The following LRBA variants were observed in gnomAD, a reference collection of about 807,000 sequenced individuals.
LRBA encodes the protein LPS responsive beige-like anchor protein, also known as lipopolysaccharide-responsive and beige-like anchor protein.
A neutral mutation model predicts 330.0 loss-of-function variants in LRBA; 176 were observed. That is an observed-to-expected ratio of 0.53 (90% CI 0.47 to 0.60). The LOEUF (loss-of-function observed/expected upper bound fraction) is 0.60, where lower values mean the gene tolerates loss of function less well. Ranked by LOEUF, LRBA falls within the 20% of genes least tolerant of loss-of-function variation. The pLI, the probability that LRBA is intolerant of heterozygous loss-of-function variation, is 0.00. For synonymous variants in LRBA, 1,230 were observed against 1,193.0 expected, an observed-to-expected ratio of 1.03 and a Z score of -0.64; for missense variants, 3,259 against 3,444.8, an observed-to-expected ratio of 0.95 and a Z score of 1.35.
intron 40 of LRBA, among the ~76,000 whole-genome samples, chr4:150,494,861 G>A (rs1006229129): frequency 2.6e-5 from 4 of 152,096 alleles, no homozygotes; most frequent in African/African-American, 9.7e-5. Flanking sequence ...TTAGCCAGGC[G>A]TGGTTGCGGG....
At chr4:150,608,352 G>A (rs1177525277) in intron 37 of LRBA, among the ~76,000 whole-genome samples, 1 of 152,168 alleles carries the variant, frequency 6.6e-6, no homozygotes, top group Admixed American at 6.5e-5. Flanking sequence ...GAAAGGGCAG[G>A]AGAAAGATGG....
chr4:150,653,383 C>T (rs550884661), intron 37 of LRBA, among the ~76,000 whole-genome samples: 2 of 152,122 alleles, frequency 1.3e-5, no homozygotes, highest in Non-Finnish European at 2.9e-5. Context: ...ATGCTTTAAT[C>T]TATTATACTT....
intron 40 of LRBA, among the ~76,000 whole-genome samples, chr4:150,528,575 T>C (rs1763728178): frequency 6.6e-6 from 1 of 152,158 alleles, no homozygotes; most frequent in African/African-American, 2.4e-5. Flanking sequence ...GTCTTAAGTT[T>C]TTTTAAATAG....
chr4:150,886,899 T>C (rs1455918822), intron 17 of LRBA, among the ~76,000 whole-genome samples: 3 of 152,186 alleles, frequency 2.0e-5, no homozygotes, highest in African/African-American at 7.2e-5. Flanking sequence ...GAGCAAAATG[T>C]TGGACTTATC....
At chr4:150,884,874 G>A (rs1003822653) in intron 17 of LRBA, among the ~76,000 whole-genome samples, 8 of 151,902 alleles carry the variant, frequency 5.3e-5, no homozygotes, top group African/African-American at 1.7e-4. Context: ...ATATTTTTAA[G>A]GACTTGTAAT....
At chr4:150,777,063 G>GTT (rs1737448331) in intron 34 of LRBA, among the ~76,000 whole-genome samples, 1 of 109,204 alleles carries the variant, frequency 9.2e-6, no homozygotes, top group African/African-American at 4.0e-5. Context: ...TTTTTTGAGG[G>GTT]GTTTTGTTGT....
intron 37 of LRBA, among the ~76,000 whole-genome samples, chr4:150,664,393 GA>G (rs1182409877): frequency 2.0e-5 from 3 of 152,124 alleles, no homozygotes; most frequent in Non-Finnish European, 4.4e-5. Flanking sequence ...AACAGACCAG[GA>G]AATGTATAAT....
chr4:150,831,117 A>G (rs148730196), intron 29 of LRBA, among the ~76,000 whole-genome samples: 1 of 151,852 alleles, frequency 6.6e-6, no homozygotes, highest in African/African-American at 2.4e-5. Context: ...AGACCCTCCA[A>G]TGAGTTCTCA....
At chr4:150,969,550 C>T (rs901743038) in intron 2 of LRBA, among the ~76,000 whole-genome samples, 33 of 152,322 alleles carry the variant, frequency 2.2e-4, no homozygotes, top group Non-Finnish European at 3.8e-4. Flanking sequence ...TCACTATAGC[C>T]TTGACCTCCC....
intron 36 of LRBA, among the ~76,000 whole-genome samples, chr4:150,699,180 C>G (rs906466454): frequency 1.3e-5 from 2 of 152,106 alleles, no homozygotes; most frequent in African/African-American, 4.8e-5. Flanking sequence ...CAAAAGAGCT[C>G]TCACTGTTGG....
At chr4:150,412,067 G>T (rs1747091614) in intron 47 of LRBA, among the ~76,000 whole-genome samples, 1 of 152,120 alleles carries the variant, frequency 6.6e-6, no homozygotes, top group Non-Finnish European at 1.5e-5. Context: ...TTGAATGAAT[G>T]AATGAGGTAT....
At chr4:150,332,736 T>C (rs998116761) in intron 48 of LRBA, among the ~76,000 whole-genome samples, 18 of 152,174 alleles carry the variant, frequency 1.2e-4, no homozygotes, top group African/African-American at 4.3e-4. Context: ...TGTTACTACT[T>C]TCTATAATAA....
chr4:150,306,958 C>T (rs1372435263), intron 52 of LRBA, among the ~76,000 whole-genome samples: 1 of 151,686 alleles, frequency 6.6e-6, no homozygotes, highest in Non-Finnish European at 1.5e-5. Flanking sequence ...GGATAAGACA[C>T]CTGTCTACTT....
intron 40 of LRBA, among the ~76,000 whole-genome samples, chr4:150,565,499 AAAAAT>A (rs1415227692): frequency 6.6e-6 from 1 of 152,128 alleles, no homozygotes; most frequent in African/African-American, 2.4e-5. Flanking sequence ...TCCTAGAACT[AAAAAT>A]AAAATAAAAA....
At chr4:150,400,854 A>G (rs1745364946) in intron 47 of LRBA, among the ~76,000 whole-genome samples, 1 of 152,160 alleles carries the variant, frequency 6.6e-6, no homozygotes, top group Non-Finnish European at 1.5e-5. Context: ...AAAAATAATA[A>G]AAAAAGAAGT....
At chr4:150,542,455 T>C (rs183091081) in intron 40 of LRBA, among the ~76,000 whole-genome samples, 8 of 152,336 alleles carry the variant, frequency 5.3e-5, no homozygotes, top group Admixed American at 2.6e-4. Context: ...TTGTGATACA[T>C]GTATTAAGCA....
In LRBA at chr4:150,881,853, G is replaced by A. The variant is rs372253953; in HGVS notation, c.2166-9098C>T. Among the ~76,000 whole-genome samples the A allele has an allele frequency of 1.8e-4, 28 of 152,268 alleles. No homozygotes were observed. In the South Asian group the frequency reaches 2.1e-3, roughly 11 times the overall value. On this transcript the variant is annotated intron_variant, in intron 17 of 56. Transcript: ENST00000651943. ...TGTAATCCCAGCATTTTGGGAGGCC[G>A]AGGTGGGCGGATCACCTGAGGTCAG...
At chr4:151,001,525 A>C (rs1743327554) in intron 2 of LRBA, among the ~76,000 whole-genome samples, 1 of 151,906 alleles carries the variant, frequency 6.6e-6, no homozygotes, top group Admixed American at 6.6e-5. Flanking sequence ...CACAACACCT[A>C]TCCTGAGGAT....
At chr4:151,015,334 T>C (rs1745305828), upstream of LRBA, 1 of 148,744 alleles carries the variant, frequency 6.7e-6, no homozygotes, top group Non-Finnish European at 1.5e-5. Context: ...GTGGGAGGAG[T>C]GAAGCACCTC....
Sources: allele counts gnomAD v4.1 joint callset (sites outside exome capture counted in the v4.1 genomes callset), GRCh38; gene constraint gnomAD v4.1.1; transcripts MANE v1.5; gene names NCBI Gene and HGNC (gene_info 2026-07-23, HGNC 2026-07-21).